The following SBF2 variants were observed in gnomAD, a reference collection of about 807,000 sequenced individuals.
SBF2 encodes the protein SET binding factor 2.
A neutral mutation model predicts 225.2 loss-of-function variants in SBF2; 112 were observed. The ratio of observed to expected loss-of-function variants is 0.50; its 90% CI spans 0.43 to 0.58. SBF2 has a LOEUF of 0.58. Ranked by LOEUF, SBF2 falls within the 20% of genes least tolerant of loss-of-function variation. The pLI, the probability that SBF2 is intolerant of heterozygous loss-of-function variation, is 0.00. For synonymous variants in SBF2, 763 were observed against 773.3 expected, an observed-to-expected ratio of 0.99 and a Z score of 0.22; for missense variants, 1,996 against 2,206.2, an observed-to-expected ratio of 0.90 and a Z score of 1.91.
Position 10,106,401 on chromosome 11 carries a change from C to T in SBF2, c.142-63420G>A, listed in dbSNP as rs188888295. 8.0e-3 allele frequency among the ~76,000 whole-genome samples: 1,210 copies of T among 152,184 alleles called. 7 individuals are homozygous for T. Among genetic ancestry groups the T allele is most frequent in the Admixed American group, 0.015 (232 of 15,282 alleles). The stretch of plus-strand genomic sequence containing the variant: ...CAGGACTTTGGGAGGCCGAGGCAGG[C>T]GGCTCACCTGAGGTCAGGAGTTCGA... On this transcript the variant is annotated intron_variant, in intron 2 of 39. Transcript: ENST00000256190.
intron 16 of SBF2, chr11:9,959,297 A>G: frequency 1.3e-6 from 1 of 775,240 alleles, no homozygotes; most frequent in East Asian, 2.4e-5. Context: ...TCCCTGCCAT[A>G]GGTTTTGTCT....
chr11:10,279,178 G>A (rs1035585123), intron 1 of SBF2, among the ~76,000 whole-genome samples: 17 of 148,940 alleles, frequency 1.1e-4, no homozygotes, highest in African/African-American at 4.0e-4. Flanking sequence ...TTGGGAGGCT[G>A]AAGTGGGTGG....
chr11:10,260,567 T>C (rs1047564639), intron 1 of SBF2, among the ~76,000 whole-genome samples: 2 of 151,858 alleles, frequency 1.3e-5, no homozygotes, highest in Non-Finnish European at 2.9e-5. Flanking sequence ...ATACAAAAAA[T>C]TAGCTGGGCG....
chr11:10,165,398 G>C (rs971300599), intron 2 of SBF2, among the ~76,000 whole-genome samples: 2 of 152,130 alleles, frequency 1.3e-5, no homozygotes, highest in African/African-American at 4.8e-5. Flanking sequence ...TAGCAATACA[G>C]CTAACATCCC....
At chr11:10,284,166 C>A (rs1963593400) in intron 1 of SBF2, among the ~76,000 whole-genome samples, 1 of 152,138 alleles carries the variant, frequency 6.6e-6, no homozygotes, top group Admixed American at 6.5e-5. Flanking sequence ...TTACCCAGTT[C>A]CCTCCACTGG....
intron 17 of SBF2, among the ~76,000 whole-genome samples, chr11:9,875,254 A>G (rs1859123390): frequency 6.6e-6 from 1 of 152,216 alleles, no homozygotes; most frequent in South Asian, 2.1e-4. Context: ...ACCAAGACAG[A>G]TCCAGTGCTA....
At chr11:9,940,359 C>T (rs912792029) in intron 16 of SBF2, among the ~76,000 whole-genome samples, 8 of 151,976 alleles carry the variant, frequency 5.3e-5, no homozygotes, top group Non-Finnish European at 1.0e-4. Context: ...GAGCCAAGAT[C>T]GCGCCACTGC....
chr11:10,191,036 T>C (rs1257181673), intron 2 of SBF2, among the ~76,000 whole-genome samples: 1 of 152,218 alleles, frequency 6.6e-6, no homozygotes, highest in Non-Finnish European at 1.5e-5. Flanking sequence ...TATTTGTGAA[T>C]TAATATACTA....
At chr11:9,944,157 A>G (rs1350684255) in intron 16 of SBF2, among the ~76,000 whole-genome samples, 1 of 152,242 alleles carries the variant, frequency 6.6e-6, no homozygotes, top group Admixed American at 6.5e-5. Flanking sequence ...AGGCAAAACT[A>G]AACTGAATTA....
rs75085364 is a variant in SBF2 at position 9,793,171 on chromosome 11, A to G, written c.4571-2488T>C. Among the ~76,000 whole-genome samples, 1,386 of 152,140 alleles carry G rather than the reference A, an allele frequency of 9.1e-3. 16 individuals carry two copies. The highest frequency in any genetic ancestry group is 0.031 in the African/African-American group (1,280 of 41,512). On this transcript the variant is annotated intron_variant, in intron 33 of 39. Coordinates refer to ENST00000256190, the MANE Select transcript of SBF2 (RefSeq NM_030962.4). Reference sequence around the variant, plus strand: ...GATAATCTTTCAATATATACCAAACATATCTTTTTATCCGCATCATTGTAT... The same window carrying G: ...GATAATCTTTCAATATATACCAAACGTATCTTTTTATCCGCATCATTGTAT...
chr11:9,778,866 C>CAGTT lies in SBF2; in HGVS notation c.*1548_*1551dup, dbSNP rs1851866008. ...TGCCTTCACGAAAGTTAAAGTAATC[C>CAGTT]AGTTACAAAAGAAGCACTGTGTATA... On this transcript the variant is annotated 3_prime_UTR_variant, in exon 40 of 40. Coordinates refer to ENST00000256190, the MANE Select transcript of SBF2 (RefSeq NM_030962.4). 6.6e-6 allele frequency: 1 copy of CAGTT among 152,556 alleles called. No individual in the cohort carries two copies. The highest frequency in any genetic ancestry group is 1.5e-5 in the Non-Finnish European group (1 of 68,044). The allele number at this position is 152,556 out of a possible 1,614,324, so 9.5% of individuals were successfully genotyped here.
intron 27 of SBF2, among the ~76,000 whole-genome samples, chr11:9,831,289 G>A (rs1057138840): frequency 1.3e-5 from 2 of 152,212 alleles, no homozygotes; most frequent in Admixed American, 1.3e-4. Context: ...ATGAGCCATT[G>A]CACCTGGCCC....
At chr11:10,160,456 GA>G (rs1352484632) in intron 2 of SBF2, among the ~76,000 whole-genome samples, 1 of 149,816 alleles carries the variant, frequency 6.7e-6, no homozygotes, top group Non-Finnish European at 1.5e-5. Flanking sequence ...GCAAAGAGAG[GA>G]AAAAAGGAAG....
At chr11:10,227,168 GGTT>G (rs1334112803) in intron 1 of SBF2, among the ~76,000 whole-genome samples, 1 of 151,970 alleles carries the variant, frequency 6.6e-6, no homozygotes, top group East Asian at 1.9e-4. Context: ...TTTTTGATGG[GGTT>G]GTTTTTTTCT....
intron 1 of SBF2, among the ~76,000 whole-genome samples, chr11:10,224,722 A>T (rs1958472785): frequency 6.6e-6 from 1 of 152,166 alleles, no homozygotes; most frequent in African/African-American, 2.4e-5. Context: ...ACCTCTTCAG[A>T]GTACCTACCC....
chr11:9,840,763 G>T (rs1203224009), intron 25 of SBF2, among the ~76,000 whole-genome samples: 2 of 152,180 alleles, frequency 1.3e-5, no homozygotes, highest in Non-Finnish European at 2.9e-5. Context: ...GAGGTATAAA[G>T]GAGTTACACT....
intron 16 of SBF2, among the ~76,000 whole-genome samples, chr11:9,902,145 T>G (rs1861769373): frequency 6.6e-6 from 1 of 152,182 alleles, no homozygotes; most frequent in African/African-American, 2.4e-5. Context: ...TCTAGGACTT[T>G]CTCAGCTGTG....
intron 16 of SBF2, among the ~76,000 whole-genome samples, chr11:9,899,891 T>TG (rs1861582445): frequency 6.6e-6 from 1 of 152,154 alleles, no homozygotes; most frequent in Admixed American, 6.6e-5. Flanking sequence ...CCTATTTTTA[T>TG]GGTGAGGGGA....
At chr11:9,866,331 T>C (rs1858218756) in intron 17 of SBF2, among the ~76,000 whole-genome samples, 1 of 152,068 alleles carries the variant, frequency 6.6e-6, no homozygotes, top group South Asian at 2.1e-4. Context: ...CAAAATATAC[T>C]ATAAGGCTAT....
Sources: allele counts gnomAD v4.1 joint callset (sites outside exome capture counted in the v4.1 genomes callset), GRCh38; gene constraint gnomAD v4.1.1; transcripts MANE v1.5; gene names NCBI Gene and HGNC (gene_info 2026-07-23, HGNC 2026-07-21).